The following KCNH7 variants were observed in gnomAD, a reference collection of about 807,000 sequenced individuals.
KCNH7 encodes the protein potassium voltage-gated channel subfamily H member 7, also known as voltage-gated inwardly rectifying potassium channel KCNH7.
Under a neutral mutation model 120.8 loss-of-function variants are expected in KCNH7, and 49 were observed. That is an observed-to-expected ratio of 0.41 (90% CI 0.32 to 0.51). The LOEUF (loss-of-function observed/expected upper bound fraction) is 0.51. Among genes scored for constraint, KCNH7 ranks in the 20% least tolerant of loss-of-function variants. The pLI is 0.38. For synonymous variants in KCNH7, 547 were observed against 516.1 expected, an observed-to-expected ratio of 1.06 and a Z score of -0.81; for missense variants, 1,097 against 1,446.6, an observed-to-expected ratio of 0.76 and a Z score of 3.92.
At chr2:162,606,519 C>T (rs1391102117) in intron 2 of KCNH7, among the ~76,000 whole-genome samples, 1 of 152,052 alleles carries the variant, frequency 6.6e-6, no homozygotes, top group East Asian at 1.9e-4. Context: ...TGTTTTAAAT[C>T]CTAAGTTCTA....
At chr2:162,667,018 C>CTTTTTTT (rs34213467) in intron 2 of KCNH7, among the ~76,000 whole-genome samples, 28 of 124,194 alleles carry the variant, frequency 2.3e-4, no homozygotes, top group Middle Eastern at 3.8e-3. Context: ...TTTTCTTTTT[C>CTTTTTTT]TTTTTTTTTT....
intron 2 of KCNH7, among the ~76,000 whole-genome samples, chr2:162,657,858 A>C (rs935784013): frequency 1.8e-4 from 26 of 145,020 alleles, no homozygotes; most frequent in African/African-American, 7.0e-4. Context: ...GCAAACTATA[A>C]AACTCATAGA....
intron 2 of KCNH7, among the ~76,000 whole-genome samples, chr2:162,680,643 A>G (rs1685680561): frequency 6.6e-6 from 1 of 151,780 alleles, no homozygotes. Context: ...CTGCCATTAT[A>G]CTAATAGAAA....
intron 2 of KCNH7, among the ~76,000 whole-genome samples, chr2:162,759,272 G>A (rs1688890031): frequency 6.6e-6 from 1 of 152,078 alleles, no homozygotes; most frequent in African/African-American, 2.4e-5. Context: ...TCTGTTAATG[G>A]TAGAGACCTG....
chr2:162,418,014 T>A (rs1165229200), intron 9 of KCNH7, among the ~76,000 whole-genome samples: 1 of 152,098 alleles, frequency 6.6e-6, no homozygotes, highest in South Asian at 2.1e-4. Flanking sequence ...TGATCATGAG[T>A]GATAAATTTG....
At chr2:162,647,487 C>T (rs565788124) in intron 2 of KCNH7, among the ~76,000 whole-genome samples, 1 of 152,120 alleles carries the variant, frequency 6.6e-6, no homozygotes, top group Non-Finnish European at 1.5e-5. Flanking sequence ...TGTCCCCAAC[C>T]AAATATCACC....
At position 162,482,947 on chromosome 2, in the gene KCNH7, C is replaced by T. The variant is rs546148951; in HGVS notation, c.1128+21496G>A. Among the ~76,000 whole-genome samples the T allele has an allele frequency of 3.9e-5, 6 of 152,208 alleles. No homozygotes were observed. The South Asian group carries it at 1.2e-3, about 32-fold the overall frequency. On this transcript the variant is annotated intron_variant, in intron 6 of 15. Coordinates refer to ENST00000332142, the MANE Select transcript of KCNH7 (RefSeq NM_033272.4). ...CTATTAGCAACCTACTTTTTACCTG[C>T]TGTAACTGAAAATTCTTGGAACTAT...
intron 2 of KCNH7, among the ~76,000 whole-genome samples, chr2:162,703,411 A>T (rs1309447901): frequency 2.0e-5 from 3 of 152,152 alleles, no homozygotes; most frequent in African/African-American, 4.8e-5. Flanking sequence ...TTTTAATTTT[A>T]TTTCCTCAAA....
At chr2:162,614,461 A>G (rs559395585) in intron 2 of KCNH7, among the ~76,000 whole-genome samples, 1 of 152,192 alleles carries the variant, frequency 6.6e-6, no homozygotes, top group African/African-American at 2.4e-5. Flanking sequence ...AAATGAAACA[A>G]AACAAACTAG....
chr2:162,723,266 T>C (rs1450547670), intron 2 of KCNH7, among the ~76,000 whole-genome samples: 3 of 152,116 alleles, frequency 2.0e-5, no homozygotes, highest in Non-Finnish European at 4.4e-5. Context: ...TGAACTAGTC[T>C]TTTACAGGAG....
At chr2:162,615,521 T>A (rs1226670668) in intron 2 of KCNH7, among the ~76,000 whole-genome samples, 1 of 152,158 alleles carries the variant, frequency 6.6e-6, no homozygotes, top group Non-Finnish European at 1.5e-5. Flanking sequence ...TCCTGAGGCT[T>A]AAAAAATTTA....
intron 2 of KCNH7, among the ~76,000 whole-genome samples, chr2:162,594,197 G>C (rs930501816): frequency 6.6e-6 from 1 of 150,720 alleles, no homozygotes; most frequent in Non-Finnish European, 1.5e-5. Flanking sequence ...GAACATTCTA[G>C]TTTACCTCAC....
chr2:162,724,658 C>T (rs1030570312), intron 2 of KCNH7, among the ~76,000 whole-genome samples: 4 of 130,318 alleles, frequency 3.1e-5, no homozygotes, highest in Admixed American at 7.3e-5. Context: ...GGCGACAGAG[C>T]GAGACTCCGT....
At chr2:162,670,488 A>G (rs544969110) in intron 2 of KCNH7, among the ~76,000 whole-genome samples, 176 of 151,092 alleles carry the variant, frequency 1.2e-3, no homozygotes, top group South Asian at 4.0e-3. Flanking sequence ...AAAAAAAAAA[A>G]AAAAGAAAAA....
chr2:162,776,837 T>G (rs548889214), intron 2 of KCNH7, among the ~76,000 whole-genome samples: 2 of 152,276 alleles, frequency 1.3e-5, no homozygotes, highest in African/African-American at 4.8e-5. Flanking sequence ...TTAACTGGAG[T>G]AATGTAGAGA....
At chr2:162,471,398 G>A (rs1193156422) in intron 6 of KCNH7, among the ~76,000 whole-genome samples, 1 of 152,130 alleles carries the variant, frequency 6.6e-6, no homozygotes, top group Non-Finnish European at 1.5e-5. Flanking sequence ...GTGTGCATTT[G>A]TGTGTATGTA....
chr2:162,474,625 T>G (rs1299796033), intron 6 of KCNH7, among the ~76,000 whole-genome samples: 3 of 152,234 alleles, frequency 2.0e-5, no homozygotes, highest in African/African-American at 7.2e-5. Flanking sequence ...TGTTAAGTTG[T>G]AAAAAGGCTG....
intron 7 of KCNH7, among the ~76,000 whole-genome samples, chr2:162,441,740 C>A (rs902902479): frequency 2.6e-5 from 4 of 151,908 alleles, no homozygotes; most frequent in African/African-American, 9.7e-5. Flanking sequence ...TTCCTTTGAA[C>A]CAATGACACA....
intron 2 of KCNH7, among the ~76,000 whole-genome samples, chr2:162,713,938 G>A (rs1687016570): frequency 6.6e-6 from 1 of 151,992 alleles, no homozygotes; most frequent in Non-Finnish European, 1.5e-5. Flanking sequence ...TAGAAGAGAT[G>A]GGGTTTTACC....
Sources: gnomAD v4.1 joint callset for allele counts (sites outside exome capture counted in the v4.1 genomes callset) on GRCh38, gnomAD v4.1.1 for gene constraint, MANE v1.5 for transcripts, NCBI Gene and HGNC (gene_info 2026-07-23, HGNC 2026-07-21) for gene names.